Variants in TBC1D5 observed in about 807,000 individuals in gnomAD.
The protein encoded by TBC1D5 is TBC1 domain family, member 5.
In TBC1D5, 75 loss-of-function variants were observed where a neutral mutation model predicts 100.3. That is an observed-to-expected ratio of 0.75 (90% CI 0.62 to 0.91). The LOEUF is 0.91. Ranked by LOEUF, TBC1D5 falls within the 40% of genes least tolerant of loss-of-function variation. The pLI, the probability that TBC1D5 is intolerant of heterozygous loss-of-function variation, is 0.00. For missense variants in TBC1D5, 910 were observed against 942.4 expected (o/e 0.97, Z 0.45); for synonymous variants, 323 against 325.6 (o/e 0.99, Z 0.09).
intron 1 of TBC1D5, among the ~76,000 whole-genome samples, chr3:17,648,748 T>C: frequency 6.6e-6 from 1 of 152,094 alleles, no homozygotes; most frequent in Non-Finnish European, 1.5e-5. Context: ...CACTGATCAT[T>C]AGAGAAATGC....
upstream of TBC1D5, among the ~76,000 whole-genome samples, chr3:17,741,600 G>A (rs529196732): frequency 1.3e-5 from 2 of 152,216 alleles, no homozygotes; most frequent in Non-Finnish European, 2.9e-5. Flanking sequence ...GTTGACAAAT[G>A]AACTCTTTCC....
chr3:17,525,652 A>G (rs2153351845), intron 2 of TBC1D5, among the ~76,000 whole-genome samples: 1 of 152,166 alleles, frequency 6.6e-6, no homozygotes, highest in Non-Finnish European at 1.5e-5. Context: ...TACTTACTGA[A>G]GCATAAATGC....
intron 9 of TBC1D5, among the ~76,000 whole-genome samples, chr3:17,380,045 ATGTGTGTGTGTGTGTGTGTGTG>A (rs3041142): frequency 8.9e-6 from 1 of 112,450 alleles, no homozygotes; most frequent in Non-Finnish European, 1.8e-5. Flanking sequence ...GTGACTGTGT[ATGTGTGTGTGTGTGTGTGTGTG>A]TGTGTGTGTG....
chr3:17,185,092 C>A lies in TBC1D5; in HGVS notation c.1852+17G>T. On this transcript the variant is annotated intron_variant, in intron 19 of 21. Transcript: ENST00000253692. ...TGATGAGTCTCATCGTTCCCAGGGCCAAAGTAATTCACTTACCAAGATGAG... is the reference window on the plus strand; with the variant it reads ...TGATGAGTCTCATCGTTCCCAGGGCAAAAGTAATTCACTTACCAAGATGAG... 3 of 1,608,678 alleles carry A rather than the reference C, an allele frequency of 1.9e-6. No homozygotes were observed. The highest frequency in any genetic ancestry group is 2.6e-6 in the Non-Finnish European group (3 of 1,176,360).
chr3:17,479,921 G>A (rs956066030), intron 3 of TBC1D5, among the ~76,000 whole-genome samples: 1 of 152,150 alleles, frequency 6.6e-6, no homozygotes, highest in Admixed American at 6.5e-5. Context: ...ACGCTCTGGG[G>A]CACAGCTATA....
At chr3:17,473,002 A>G (rs1284136126) in intron 3 of TBC1D5, among the ~76,000 whole-genome samples, 4 of 152,250 alleles carry the variant, frequency 2.6e-5, no homozygotes, top group Non-Finnish European at 4.4e-5. Flanking sequence ...GAGAAAATAT[A>G]TCACAAAGTA....
Position 17,509,960 on chromosome 3 carries a change from A to C in TBC1D5, c.-35-1355T>G, listed in dbSNP as rs146795111. Among the ~76,000 whole-genome samples, 413 of 152,172 alleles carry C rather than the reference A, an allele frequency of 2.7e-3. 5 individuals are homozygous for C. Among genetic ancestry groups the C allele is most frequent in the Non-Finnish European group, 5.1e-3 (346 of 67,894 alleles). The stretch of plus-strand genomic sequence containing the variant: ...AACCTACACTATTTGTAAATTTTAT[A>C]TGTCCCTAAGATGCAAATTATCTTC... On this transcript the variant is annotated intron_variant, in intron 2 of 21. Transcript: ENST00000253692.
intron 16 of TBC1D5, among the ~76,000 whole-genome samples, chr3:17,244,935 C>T (rs771636438): frequency 3.4e-5 from 5 of 147,344 alleles, no homozygotes; most frequent in Non-Finnish European, 5.9e-5. Flanking sequence ...CCTGTAATCC[C>T]AGTACTTTGG....
intron 2 of TBC1D5, among the ~76,000 whole-genome samples, chr3:17,543,094 T>G (rs1253786722): frequency 6.6e-6 from 1 of 151,930 alleles, no homozygotes; most frequent in Non-Finnish European, 1.5e-5. Context: ...ATGGCACAGT[T>G]ACTATATAGC....
At chr3:17,443,474 T>A (rs999251059) in intron 3 of TBC1D5, among the ~76,000 whole-genome samples, 2 of 152,216 alleles carry the variant, frequency 1.3e-5, no homozygotes, top group Admixed American at 6.5e-5. Context: ...TCAAACAACT[T>A]TATCAGCCCA....
intron 2 of TBC1D5, among the ~76,000 whole-genome samples, chr3:17,530,709 A>G (rs1413377107): frequency 6.6e-6 from 1 of 152,236 alleles, no homozygotes; most frequent in Non-Finnish European, 1.5e-5. Context: ...AATCCAGCAT[A>G]TAAACAGAAC....
At chr3:17,677,934 G>T (rs887890808) in intron 1 of TBC1D5, among the ~76,000 whole-genome samples, 3 of 152,134 alleles carry the variant, frequency 2.0e-5, no homozygotes, top group African/African-American at 7.2e-5. Flanking sequence ...ACTCATAGGT[G>T]GGAATTGAAC....
In TBC1D5 at chr3:17,416,490, C is replaced by T. The variant is rs913419338; in HGVS notation, c.168-9964G>A. On this transcript the variant is annotated intron_variant, in intron 4 of 21. Transcript: ENST00000253692. The stretch of plus-strand genomic sequence containing the variant: ...TCAATTTTTAAAGTAACAACTATAA[C>T]GTTTCAAGGGCTATAAATATACAAG... Among the ~76,000 whole-genome samples, 6 of 152,090 alleles carry T rather than the reference C, an allele frequency of 3.9e-5. No homozygotes were observed. The East Asian group carries it at 5.8e-4, about 15-fold the overall frequency.
intron 3 of TBC1D5, among the ~76,000 whole-genome samples, chr3:17,487,573 C>T (rs2095586285): frequency 6.6e-6 from 1 of 152,118 alleles, no homozygotes; most frequent in Non-Finnish European, 1.5e-5. Flanking sequence ...AGACTGAGAA[C>T]TATAAACCAA....
At chr3:17,352,690 A>C (rs1270130242) in intron 13 of TBC1D5, among the ~76,000 whole-genome samples, 1 of 150,966 alleles carries the variant, frequency 6.6e-6, no homozygotes, top group Non-Finnish European at 1.5e-5. Flanking sequence ...AGGCAAAAAA[A>C]AAAAAAAAAC....
intron 3 of TBC1D5, among the ~76,000 whole-genome samples, chr3:17,484,277 AG>A (rs1422737304): frequency 6.6e-6 from 1 of 152,194 alleles, no homozygotes; most frequent in Non-Finnish European, 1.5e-5. Flanking sequence ...CTTAATCAAA[AG>A]GCCTATTAAG....
chr3:17,598,530 T>C (rs2060721873), intron 2 of TBC1D5, among the ~76,000 whole-genome samples: 3 of 152,186 alleles, frequency 2.0e-5, no homozygotes, highest in East Asian at 1.9e-4. Context: ...TTTAAATCTA[T>C]TCCCTTTTTA....
intron 2 of TBC1D5, among the ~76,000 whole-genome samples, chr3:17,535,072 A>C (rs2096269535): frequency 6.6e-6 from 1 of 152,182 alleles, no homozygotes; most frequent in South Asian, 2.1e-4. Context: ...GTAACAATAT[A>C]GTTTAAACTT....
chr3:17,504,709 C>T (rs1162396872), intron 3 of TBC1D5, among the ~76,000 whole-genome samples: 5 of 152,182 alleles, frequency 3.3e-5, no homozygotes, highest in Non-Finnish European at 7.3e-5. Context: ...TCTAAGATGA[C>T]TCCAGCTAGT....
Sources: allele counts gnomAD v4.1 joint callset (sites outside exome capture counted in the v4.1 genomes callset), GRCh38; gene constraint gnomAD v4.1.1; transcripts MANE v1.5; gene names NCBI Gene and HGNC (gene_info 2026-07-23, HGNC 2026-07-21).